The following ELMO1 variants were observed in gnomAD, a reference collection of about 807,000 sequenced individuals.
The protein encoded by ELMO1 is engulfment and cell motility 1.
Under a neutral mutation model 98.9 loss-of-function variants are expected in ELMO1, and 26 were observed. That is an observed-to-expected ratio of 0.26 (90% confidence interval 0.19 to 0.36). The LOEUF is 0.36. ELMO1 is among the 10% of genes least tolerant of loss of function. The pLI is 1.00. For missense variants in ELMO1, 627 were observed against 935.2 expected, an observed-to-expected ratio of 0.67 and a Z score of 4.30; for synonymous variants, 346 against 346.0, an observed-to-expected ratio of 1.00 and a Z score of 0.00.
chr7:36,907,227 G>C (rs1784028469), intron 16 of ELMO1, among the ~76,000 whole-genome samples: 2 of 152,174 alleles, frequency 1.3e-5, no homozygotes, highest in Non-Finnish European at 2.9e-5. Flanking sequence ...GAGGGAAAGA[G>C]AGGGTTGAGA....
At chr7:37,086,330 C>CTG (rs58906590) in intron 15 of ELMO1, among the ~76,000 whole-genome samples, 21,060 of 143,058 alleles carry the variant, frequency 0.15, 1,558 homozygotes, top group Middle Eastern at 0.27. Flanking sequence ...CAATACATGA[C>CTG]TGTGTGTGTG....
At chr7:37,376,033 G>T in intron 1 of ELMO1, 1 of 434,378 alleles carries the variant, frequency 2.3e-6, no homozygotes, top group Non-Finnish European at 4.3e-6. Flanking sequence ...AAACTGGAGA[G>T]GATTATTTCA....
chr7:37,178,729 GGCAC>G, intron 13 of ELMO1, among the ~76,000 whole-genome samples: 1 of 152,284 alleles, frequency 6.6e-6, no homozygotes, highest in East Asian at 1.9e-4. Flanking sequence ...GAGGTGGCAA[GGCAC>G]CTTGCCTCTG....
At chr7:37,088,976 A>G (rs1002798818) in intron 15 of ELMO1, among the ~76,000 whole-genome samples, 3 of 152,236 alleles carry the variant, frequency 2.0e-5, no homozygotes, top group African/African-American at 7.2e-5. Flanking sequence ...TGCATAAGCA[A>G]GAGTACAAGC....
rs1002324478 is a variant in ELMO1, at chr7:37,365,252, G to T, written c.-73-22489C>A. Among the ~76,000 whole-genome samples, 7 of 38,518 alleles carry T rather than the reference G, an allele frequency of 1.8e-4. No individual in the cohort carries two copies. In the Admixed American group the frequency reaches 3.0e-3, roughly 16 times the overall value. The allele number at this position is 38,518 out of a possible 152,430, so 25.3% of individuals were successfully genotyped here. A position where few individuals can be genotyped will look rare whatever the true frequency, so the allele number is the denominator to read the frequency against. ...GAGAAGGGTCTTTCAAAAGGACACT[G>T]GAAAATAAAAGAGGTTGTTTTGCTG... On this transcript the variant is annotated intron_variant, in intron 1 of 21. Transcript: ENST00000310758.
chr7:37,114,385 A>G (rs928877186), intron 14 of ELMO1, among the ~76,000 whole-genome samples: 2 of 152,172 alleles, frequency 1.3e-5, no homozygotes, highest in African/African-American at 2.4e-5. Flanking sequence ...TAGGATTTTG[A>G]AAGTAGAGTC....
chr7:37,163,144 A>AT (rs1789345850), intron 13 of ELMO1, among the ~76,000 whole-genome samples: 1 of 152,154 alleles, frequency 6.6e-6, no homozygotes, highest in African/African-American at 2.4e-5. Flanking sequence ...ACAAATACAG[A>AT]TATCTTTCCA....
chr7:37,145,130 C>T (rs1196511268), intron 13 of ELMO1, among the ~76,000 whole-genome samples: 1 of 152,214 alleles, frequency 6.6e-6, no homozygotes, highest in Non-Finnish European at 1.5e-5. Context: ...CCCCAAGTCT[C>T]ATCCAGTAGG....
chr7:37,087,737 C>T (rs745509274), intron 15 of ELMO1, among the ~76,000 whole-genome samples: 1 of 151,912 alleles, frequency 6.6e-6, no homozygotes, highest in African/African-American at 2.4e-5. Flanking sequence ...TTTTATTTGC[C>T]GTGGTTTTTA....
chr7:37,259,518 A>AG (rs1795871706), intron 5 of ELMO1, among the ~76,000 whole-genome samples, 168 bp from the exon 6 acceptor site: 6 of 151,950 alleles, frequency 3.9e-5, no homozygotes, highest in African/African-American at 1.4e-4. Context: ...CAACCCAAAC[A>AG]CTCCACCTTC....
At chr7:36,964,981 C>T (rs1789286975) in intron 16 of ELMO1, among the ~76,000 whole-genome samples, 1 of 152,186 alleles carries the variant, frequency 6.6e-6, no homozygotes, top group African/African-American at 2.4e-5. Context: ...CACTATCACC[C>T]CCCGCATCCC....
At chr7:37,162,055 G>A (rs1296585703) in intron 13 of ELMO1, among the ~76,000 whole-genome samples, 1 of 149,464 alleles carries the variant, frequency 6.7e-6, no homozygotes, top group South Asian at 2.1e-4. Flanking sequence ...TAATGGAAGA[G>A]GGAGAGAGAT....
chr7:37,216,829 A>C, intron 10 of ELMO1, 134 bp from the exon 11 acceptor site: 1 of 840,302 alleles, frequency 1.2e-6, no homozygotes, highest in Non-Finnish European at 1.9e-6. Context: ...TAATGAACTC[A>C]AACAGGCAGT....
intron 16 of ELMO1, among the ~76,000 whole-genome samples, chr7:36,914,987 T>C (rs568944682): frequency 2.6e-5 from 4 of 152,330 alleles, no homozygotes; most frequent in African/African-American, 7.2e-5. Context: ...GGAGTCTTGC[T>C]CTGTTGCCCA....
At chr7:37,265,529 C>T (rs529934629) in intron 5 of ELMO1, among the ~76,000 whole-genome samples, 1 of 152,168 alleles carries the variant, frequency 6.6e-6, no homozygotes, top group Admixed American at 6.5e-5. Flanking sequence ...GTTCTACCTC[C>T]TATTCTCCCC....
intron 1 of ELMO1, among the ~76,000 whole-genome samples, chr7:37,369,329 C>G (rs1397767745): frequency 3.3e-5 from 5 of 152,162 alleles, no homozygotes; most frequent in Admixed American, 3.3e-4. Context: ...ACTGGCTGAG[C>G]ATCCCTAATC....
At chr7:37,156,033 C>T (rs1326888891) in intron 13 of ELMO1, among the ~76,000 whole-genome samples, 2 of 152,186 alleles carry the variant, frequency 1.3e-5, no homozygotes, top group African/African-American at 4.8e-5. Flanking sequence ...CTCAAAACTG[C>T]ACAACTACGT....
At chr7:37,429,432 G>A (rs1295277729) in intron 1 of ELMO1, 1 of 152,244 alleles carries the variant, frequency 6.6e-6, no homozygotes, top group Admixed American at 6.5e-5. Context: ...GGAGTGATTT[G>A]TTTGCAACAT....
chr7:37,153,867 C>G (rs1788535662), intron 13 of ELMO1, among the ~76,000 whole-genome samples: 1 of 152,134 alleles, frequency 6.6e-6, no homozygotes, highest in African/African-American at 2.4e-5. Context: ...AGGTCCCTGA[C>G]CCCCGAGTAG....
Sources: allele counts gnomAD v4.1 joint callset (sites outside exome capture counted in the v4.1 genomes callset), GRCh38; gene constraint gnomAD v4.1.1; transcripts MANE v1.5; gene names NCBI Gene and HGNC (gene_info 2026-07-23, HGNC 2026-07-21).